Variants in RYR2 observed in about 807,000 individuals in gnomAD.
The protein encoded by RYR2 is ryanodine receptor 2.
RYR2 carries 227 observed loss-of-function variants against 601.1 expected under a neutral mutation model. The observed-to-expected ratio is 0.38, with a 90% CI of 0.34 to 0.42. The LOEUF is 0.42. Ranked by LOEUF, RYR2 falls within the 10% of genes least tolerant of loss-of-function variation. The pLI, the probability that RYR2 is intolerant of heterozygous loss-of-function variation, is 1.00. For missense variants in RYR2, 4,646 were observed against 6,156.5 expected (o/e 0.75, Z 8.21); for synonymous variants, 2,223 against 2,175.1 (o/e 1.02, Z -0.61).
chr1:237,146,704 C>T (rs963138395), intron 1 of RYR2, among the ~76,000 whole-genome samples: 1 of 152,052 alleles, frequency 6.6e-6, no homozygotes, highest in Non-Finnish European at 1.5e-5. Flanking sequence ...GTCATGTTGC[C>T]AGTTTTCTTT....
intron 14 of RYR2, among the ~76,000 whole-genome samples, chr1:237,452,022 T>G (rs1247369432): frequency 4.7e-5 from 7 of 148,758 alleles, no homozygotes; most frequent in Non-Finnish European, 1.0e-4. Flanking sequence ...TTGTGTTGTC[T>G]TCAGGGAAGG....
intron 34 of RYR2, among the ~76,000 whole-genome samples, chr1:237,597,505 C>T (rs1315228951): frequency 1.3e-5 from 2 of 151,766 alleles, no homozygotes; most frequent in Non-Finnish European, 2.9e-5. Flanking sequence ...TGGTCTCGAT[C>T]TCCTGACCTT....
intron 65 of RYR2, among the ~76,000 whole-genome samples, chr1:237,700,724 G>A (rs1687896800): frequency 6.6e-6 from 1 of 152,108 alleles, no homozygotes; most frequent in Admixed American, 6.6e-5. Flanking sequence ...CATTGTTGAA[G>A]TTTCCAAATG....
chr1:237,339,897 A>C (rs138300834), intron 3 of RYR2, among the ~76,000 whole-genome samples: 5 of 152,138 alleles, frequency 3.3e-5, no homozygotes, highest in Non-Finnish European at 5.9e-5. Flanking sequence ...CCTCATACCC[A>C]TTGTCACACA....
At chr1:237,433,096 C>T (rs1003443306) in intron 12 of RYR2, among the ~76,000 whole-genome samples, 1 of 151,636 alleles carries the variant, frequency 6.6e-6, no homozygotes, top group African/African-American at 2.4e-5. Context: ...ATATTTTACC[C>T]AATTTTGATT....
intron 100 of RYR2, among the ~76,000 whole-genome samples, chr1:237,815,218 T>A (rs937372870): frequency 6.6e-6 from 1 of 152,180 alleles, no homozygotes; most frequent in Admixed American, 6.5e-5. Context: ...CATCTTTTTG[T>A]CTCACAGCAT....
At chr1:237,585,371 G>A (rs1201672442) in intron 29 of RYR2, among the ~76,000 whole-genome samples, 1 of 152,188 alleles carries the variant, frequency 6.6e-6, no homozygotes, top group Non-Finnish European at 1.5e-5. Context: ...TCACCAAGAT[G>A]AAACATCAGG....
chr1:237,066,406 T>C (rs1019273140), intron 1 of RYR2, among the ~76,000 whole-genome samples: 1 of 152,228 alleles, frequency 6.6e-6, no homozygotes, highest in Non-Finnish European at 1.5e-5. Context: ...CTATGTTTAG[T>C]TTTTAAAGAA....
At chr1:237,081,987 G>A (rs961843990) in intron 1 of RYR2, among the ~76,000 whole-genome samples, 7 of 152,152 alleles carry the variant, frequency 4.6e-5, no homozygotes, top group African/African-American at 1.7e-4. Context: ...TCTTAATGGG[G>A]AGAAGAACTT....
intron 1 of RYR2, among the ~76,000 whole-genome samples, chr1:237,074,852 G>A (rs766304783): frequency 6.6e-6 from 1 of 152,124 alleles, no homozygotes; most frequent in Non-Finnish European, 1.5e-5. Flanking sequence ...GGCCATCCTG[G>A]GCAAGAGTTG....
intron 71 of RYR2, among the ~76,000 whole-genome samples, chr1:237,714,507 G>A (rs1689096837): frequency 6.6e-6 from 1 of 152,086 alleles, no homozygotes; most frequent in Admixed American, 6.6e-5. Context: ...CACTGTTTTT[G>A]CTCAAATCTA....
chr1:237,776,651 C>G (rs539882719), intron 87 of RYR2, among the ~76,000 whole-genome samples: 305 of 152,120 alleles, frequency 2.0e-3, no homozygotes, highest in African/African-American at 6.5e-3. Flanking sequence ...CTCTCTCTCT[C>G]TCTCTCTCTT....
At chr1:237,399,510 A>G (rs114824747) in intron 10 of RYR2, among the ~76,000 whole-genome samples, 1 of 152,318 alleles carries the variant, frequency 6.6e-6, no homozygotes, top group African/African-American at 2.4e-5. Flanking sequence ...ATAAATGCTG[A>G]GTGCCATGAA....
At chr1:237,407,606 GTTGTTTTTT>G (rs1704031124) in intron 10 of RYR2, among the ~76,000 whole-genome samples, 1 of 52,064 alleles carries the variant, frequency 1.9e-5, no homozygotes, top group African/African-American at 8.4e-5. Context: ...TTAAATTGTG[GTTGTTTTTT>G]TTTTTTTTTT....
intron 48 of RYR2, among the ~76,000 whole-genome samples, chr1:237,648,141 G>A (rs1411791944): frequency 6.6e-6 from 1 of 152,144 alleles, no homozygotes; most frequent in African/African-American, 2.4e-5. Context: ...ATTTCACTTG[G>A]AGTTTTAGAA....
chr1:237,408,933 T>G (rs1217880271), intron 10 of RYR2, among the ~76,000 whole-genome samples: 1 of 141,114 alleles, frequency 7.1e-6, no homozygotes, highest in Non-Finnish European at 1.6e-5. Flanking sequence ...AATTTTTTGG[T>G]ATTAAGATAA....
At chr1:237,416,941 A>T in intron 10 of RYR2, 108 bp from the exon 11 acceptor site, 1 of 857,544 alleles carries the variant, frequency 1.2e-6, no homozygotes, top group Non-Finnish European at 1.9e-6. Context: ...TTAACTGTTT[A>T]CTCACAGGCC....
intron 98 of RYR2, 190 bp downstream of exon 98, chr1:237,802,106 TA>T (rs1432920043): frequency 5.1e-6 from 2 of 390,946 alleles, no homozygotes; most frequent in African/African-American, 4.1e-5. Flanking sequence ...TTTCTTTCAA[TA>T]GCTGAAATAG....
intron 1 of RYR2, among the ~76,000 whole-genome samples, chr1:237,167,082 GC>G: frequency 6.6e-6 from 1 of 152,280 alleles, no homozygotes; most frequent in Non-Finnish European, 1.5e-5. Flanking sequence ...TGTAACCAAA[GC>G]TTTTTTATTT....
Sources: gnomAD v4.1 joint callset for allele counts (sites outside exome capture counted in the v4.1 genomes callset) on GRCh38, gnomAD v4.1.1 for gene constraint, MANE v1.5 for transcripts, NCBI Gene and HGNC (gene_info 2026-07-23, HGNC 2026-07-21) for gene names.